SDK1: variants seen among roughly 807,000 people sequenced by gnomAD.
SDK1 encodes the protein protein sidekick-1.
Under a neutral mutation model 245.5 loss-of-function variants are expected in SDK1, and 157 were observed. The ratio of observed to expected loss-of-function variants is 0.64; its 90% CI spans 0.56 to 0.73. The LOEUF (loss-of-function observed/expected upper bound fraction) is 0.73. Among genes scored for constraint, SDK1 ranks in the 30% least tolerant of loss-of-function variants. The pLI, the probability that SDK1 is intolerant of heterozygous loss-of-function variation, is 0.00. For synonymous variants in SDK1, 1,647 were observed against 1,278.5 expected (o/e 1.29, Z -6.15); for missense variants, 3,583 against 3,002.3 (o/e 1.19, Z -4.52).
intron 31 of SDK1, among the ~76,000 whole-genome samples, chr7:4,160,718 A>T (rs1781059258): frequency 6.6e-6 from 1 of 152,230 alleles, no homozygotes; most frequent in African/African-American, 2.4e-5. Context: ...GCACCGCTGT[A>T]TCACCAGGGC....
At chr7:3,385,340 A>C (rs2128568195) in intron 1 of SDK1, among the ~76,000 whole-genome samples, 1 of 152,320 alleles carries the variant, frequency 6.6e-6, no homozygotes, top group South Asian at 2.1e-4. Flanking sequence ...TAAAAAACAA[A>C]TGTAACTTAA....
chr7:4,121,050 GATA>G (rs1017719050), intron 25 of SDK1, among the ~76,000 whole-genome samples: 4 of 151,776 alleles, frequency 2.6e-5, no homozygotes, highest in African/African-American at 9.7e-5. Context: ...GAATGCAGAG[GATA>G]ATATTTTATG....
intron 4 of SDK1, among the ~76,000 whole-genome samples, chr7:3,763,135 T>G (rs1270033248): frequency 6.6e-6 from 1 of 152,234 alleles, no homozygotes; most frequent in African/African-American, 2.4e-5. Context: ...AAATTTCTTT[T>G]TCTTTAATAA....
At chr7:3,507,441 G>A (rs953779037) in intron 1 of SDK1, among the ~76,000 whole-genome samples, 1 of 152,152 alleles carries the variant, frequency 6.6e-6, no homozygotes, top group Non-Finnish European at 1.5e-5. Flanking sequence ...ACAGCATGGT[G>A]CAGTAAATGC....
chr7:3,312,445 T>G (rs117801406), intron 1 of SDK1, among the ~76,000 whole-genome samples: 3 of 152,064 alleles, frequency 2.0e-5, no homozygotes, highest in Non-Finnish European at 2.9e-5. Context: ...AGAGATTAAT[T>G]GCTTAAAATT....
chr7:3,630,239 A>G (rs990836564), intron 2 of SDK1, among the ~76,000 whole-genome samples: 16 of 152,198 alleles, frequency 1.1e-4, no homozygotes, highest in Non-Finnish European at 1.9e-4. Flanking sequence ...GCAAATCCCA[A>G]TTACTGGAGT....
At chr7:3,988,200 C>T (rs1452068777) in intron 14 of SDK1, among the ~76,000 whole-genome samples, 3 of 149,486 alleles carry the variant, frequency 2.0e-5, no homozygotes, top group East Asian at 2.0e-4. Context: ...CCCAGCACCC[C>T]GCATTTCTAT....
At chr7:3,818,313 C>A (rs1779559126) in intron 4 of SDK1, among the ~76,000 whole-genome samples, 1 of 152,084 alleles carries the variant, frequency 6.6e-6, no homozygotes. Context: ...ATAATAAGGC[C>A]AGGTAATTCA....
At chr7:3,497,313 T>C (rs551801991) in intron 1 of SDK1, among the ~76,000 whole-genome samples, 1 of 152,338 alleles carries the variant, frequency 6.6e-6, no homozygotes, top group South Asian at 2.1e-4. Flanking sequence ...CTGGTGCTTA[T>C]AGATTTGTGT....
At position 4,138,309 on chromosome 7, in the gene SDK1, G is replaced by A. The variant is rs547320882; in HGVS notation, c.4228+5886G>A. On this transcript the variant is annotated intron_variant, in intron 28 of 44. Coordinates refer to ENST00000404826, the MANE Select transcript of SDK1 (RefSeq NM_152744.4). ...TACTTGGGTCCAGCGGCACTGCCAC[G>A]CAGTGCACTATTAAACAGTCATTAA... 2.6e-5 allele frequency among the ~76,000 whole-genome samples: 4 copies of A among 152,282 alleles called. No individual in the cohort carries two copies. In the East Asian group the frequency reaches 7.7e-4, roughly 29 times the overall value.
intron 5 of SDK1, among the ~76,000 whole-genome samples, chr7:3,938,006 T>G (rs769868705): frequency 6.6e-6 from 1 of 151,978 alleles, no homozygotes; most frequent in Non-Finnish European, 1.5e-5. Flanking sequence ...CCCGGCTAAT[T>G]TTGTATATTT....
At chr7:3,515,246 C>G (rs1246460092) in intron 1 of SDK1, among the ~76,000 whole-genome samples, 1 of 152,130 alleles carries the variant, frequency 6.6e-6, no homozygotes, top group African/African-American at 2.4e-5. Flanking sequence ...GCTGAGAGAA[C>G]ACCTCTAGGA....
intron 1 of SDK1, among the ~76,000 whole-genome samples, chr7:3,525,014 A>G (rs978182571): frequency 6.6e-6 from 1 of 152,216 alleles, no homozygotes; most frequent in Non-Finnish European, 1.5e-5. Flanking sequence ...AAAAAAACCA[A>G]TACAACAATA....
At chr7:3,358,225 T>C (rs1474056511) in intron 1 of SDK1, among the ~76,000 whole-genome samples, 1 of 152,106 alleles carries the variant, frequency 6.6e-6, no homozygotes, top group Non-Finnish European at 1.5e-5. Flanking sequence ...TTTCACCATG[T>C]TGGCCAGGTT....
chr7:4,130,221 G>A (rs1317029983), intron 27 of SDK1, 124 bp downstream of exon 27: 1 of 1,133,766 alleles, frequency 8.8e-7, no homozygotes, highest in East Asian at 2.7e-5. Flanking sequence ...TGCAGTTGAG[G>A]GAAACAAAAC....
At chr7:3,357,854 C>T (rs564369219) in intron 1 of SDK1, among the ~76,000 whole-genome samples, 1 of 152,266 alleles carries the variant, frequency 6.6e-6, no homozygotes, top group Admixed American at 6.5e-5. Flanking sequence ...AGCGTATTTT[C>T]CCCTTTGCAG....
intron 1 of SDK1, among the ~76,000 whole-genome samples, chr7:3,511,962 A>G (rs750082517): frequency 6.6e-6 from 1 of 150,556 alleles, no homozygotes; most frequent in Non-Finnish European, 1.5e-5. Flanking sequence ...GCCTGTATTG[A>G]CACCAGGATC....
intron 22 of SDK1, among the ~76,000 whole-genome samples, chr7:4,102,271 G>C (rs2128187603): frequency 6.6e-6 from 1 of 152,252 alleles, no homozygotes; most frequent in Non-Finnish European, 1.5e-5. Flanking sequence ...GGGCCCTCCA[G>C]CCACCTCCTC....
intron 1 of SDK1, among the ~76,000 whole-genome samples, chr7:3,320,801 T>A: frequency 6.6e-6 from 1 of 152,248 alleles, no homozygotes; most frequent in Non-Finnish European, 1.5e-5. Context: ...CTTTATAATA[T>A]AGTGATAAGC....
Sources: allele counts gnomAD v4.1 joint callset (sites outside exome capture counted in the v4.1 genomes callset), GRCh38; gene constraint gnomAD v4.1.1; transcripts MANE v1.5; gene names NCBI Gene and HGNC (gene_info 2026-07-23, HGNC 2026-07-21).